The following ARFGEF3 variants were observed in gnomAD, a reference collection of about 807,000 sequenced individuals.
The protein encoded by ARFGEF3 is ARFGEF family member 3.
A neutral mutation model predicts 221.7 loss-of-function variants in ARFGEF3; 96 were observed. The ratio of observed to expected loss-of-function variants is 0.43; its 90% CI spans 0.37 to 0.51. The LOEUF is 0.51. ARFGEF3 is among the 20% of genes least tolerant of loss of function. ARFGEF3 has a pLI of 0.00. For missense variants in ARFGEF3, 2,410 were observed against 2,789.9 expected (o/e 0.86, Z 3.07); for synonymous variants, 1,145 against 1,126.8 (o/e 1.02, Z -0.32).
Position 138,320,952 on chromosome 6 carries a change from G to A in ARFGEF3, c.4652-159G>A, listed in dbSNP as rs572032554. On this transcript the variant is annotated intron_variant, in intron 28 of 33. Transcript: ENST00000251691. ...TGTTTTACTGGGTTTTGGCGGGGGG[G>A]GGCAGGAGGAGGATATGGCCATTTT... Among the ~76,000 whole-genome samples, 131 of 152,116 alleles carry A rather than the reference G, an allele frequency of 8.6e-4. 1 individual carries two copies. The highest frequency in any genetic ancestry group is 2.3e-3 in the South Asian group (11 of 4,812).
At chr6:138,206,879 TC>T (rs1178419148) in intron 2 of ARFGEF3, among the ~76,000 whole-genome samples, 162 bp from the exon 3 acceptor site, 2 of 152,212 alleles carry the variant, frequency 1.3e-5, no homozygotes, top group Admixed American at 1.3e-4. Context: ...CTGCACAGCT[TC>T]TTTGCTGTGT....
At chr6:138,281,306 T>C (rs1287402661) in intron 14 of ARFGEF3, among the ~76,000 whole-genome samples, 3 of 152,168 alleles carry the variant, frequency 2.0e-5, no homozygotes, top group African/African-American at 4.8e-5. Context: ...GTGATAGTTC[T>C]CTCTCTATAT....
chr6:138,302,608 G>T (rs542739717), intron 22 of ARFGEF3, among the ~76,000 whole-genome samples: 1 of 152,256 alleles, frequency 6.6e-6, no homozygotes, highest in Admixed American at 6.5e-5. Flanking sequence ...CAAAATGCTC[G>T]ATGACAATGA....
rs1778815951 is a variant in ARFGEF3 at position 138,262,723 on chromosome 6, G to C, written c.1240G>C (p.Ala414Pro). 6.2e-7 allele frequency: 1 copy of C among 1,604,976 alleles called. No individual in the cohort carries two copies. Among genetic ancestry groups the C allele is most frequent in the Non-Finnish European group, 8.5e-7 (1 of 1,172,594 alleles). ...LKLIMDGMTE[A>P]CIKGGIEACY... ...TAGCATCATGGATGGCATGACCGAA[G>C]CATGCATCAAGGGTGGCATCGAAGC... The change falls in exon 12 of 34, where the codon GCA becomes CCA. Residue 414 changes from alanine (A) to proline (P), a missense_variant. Around this residue, in one of 5 missense-constraint regions of ARFGEF3, gnomAD observed 570 missense variants for 586.9 expected, o/e 0.97. Coordinates refer to ENST00000251691, the MANE Select transcript of ARFGEF3 (RefSeq NM_020340.5).
intron 8 of ARFGEF3, among the ~76,000 whole-genome samples, chr6:138,253,348 G>C (rs1005940681): frequency 3.3e-5 from 5 of 151,770 alleles, no homozygotes; most frequent in African/African-American, 1.2e-4. Flanking sequence ...GTATTATCTT[G>C]CTGAGGCTGC....
Position 138,291,236 on chromosome 6 carries a change from G to A in ARFGEF3, c.3048-497G>A, listed in dbSNP as rs1004663804. 2.0e-5 allele frequency among the ~76,000 whole-genome samples: 3 copies of A among 152,158 alleles called. No individual in the cohort carries two copies. The highest frequency in any genetic ancestry group is 2.9e-5 in the Non-Finnish European group (2 of 68,032). On this transcript the variant is annotated intron_variant, in intron 18 of 33. Transcript: ENST00000251691. This position sits in a 1 kb window ranked among gnomAD's most constrained non-coding sequence, Gnocchi z 4.5. ...ACCCAGACTTGAGTTATGTGGCGCC[G>A]TCGGGACCAGGCAGGACGTGGCTGG... is the stretch of plus-strand genomic sequence containing the variant.
intron 2 of ARFGEF3, among the ~76,000 whole-genome samples, chr6:138,205,371 C>T (rs1485683625): frequency 1.3e-5 from 2 of 152,136 alleles, no homozygotes; most frequent in Non-Finnish European, 2.9e-5. Context: ...GTGGAAAGTT[C>T]TTTCACAGTG....
At chr6:138,247,314 G>A (rs1778501666) in intron 8 of ARFGEF3, among the ~76,000 whole-genome samples, 1 of 152,172 alleles carries the variant, frequency 6.6e-6, no homozygotes, top group Non-Finnish European at 1.5e-5. Flanking sequence ...GACCCCATCT[G>A]TAAGGCCCCT....
chr6:138,198,717 G>A (rs1362379747), intron 2 of ARFGEF3, among the ~76,000 whole-genome samples: 1 of 152,118 alleles, frequency 6.6e-6, no homozygotes, highest in African/African-American at 2.4e-5. Context: ...TATCCAAACT[G>A]CCTACACCTT....
chr6:138,336,571 T>G lies in ARFGEF3; in HGVS notation c.*85T>G. 9.0e-7 allele frequency: 1 copy of G among 1,111,776 alleles called. No homozygotes were observed. The highest frequency in any genetic ancestry group is 1.3e-6 in the Non-Finnish European group (1 of 782,684). The allele number at this position is 1,111,776 out of a possible 1,614,324, so 68.9% of individuals were successfully genotyped here. A position where few individuals can be genotyped will look rare whatever the true frequency, so the allele number is the denominator to read the frequency against. The stretch of plus-strand genomic sequence containing the variant: ...ACAGCTGTTGCATTTTCCCCACCAC[T>G]AGCCCCACTTAAACTACTACTACTG... On this transcript the variant is annotated 3_prime_UTR_variant, in exon 34 of 34. Coordinates refer to ENST00000251691, the MANE Select transcript of ARFGEF3 (RefSeq NM_020340.5).
chr6:138,286,090 C>A, intron 15 of ARFGEF3, 37 bp downstream of exon 15: 5 of 1,125,236 alleles, frequency 4.4e-6, no homozygotes, highest in South Asian at 1.2e-5. Context: ...AACATCCATA[C>A]ACTGCATGTG....
At chr6:138,222,887 G>A (rs1472442029) in intron 4 of ARFGEF3, among the ~76,000 whole-genome samples, 1 of 151,982 alleles carries the variant, frequency 6.6e-6, no homozygotes, top group African/African-American at 2.4e-5. Flanking sequence ...CCCATTCTGA[G>A]TCTCCAGTGT....
In ARFGEF3 at chr6:138,281,087, TA is replaced by T. The variant is rs544730446; in HGVS notation, c.2461+926del. 1.5e-3 allele frequency among the ~76,000 whole-genome samples: 233 copies of T among 152,230 alleles called. 1 individual carries two copies. Among genetic ancestry groups the T allele is most frequent in the Non-Finnish European group, 2.4e-3 (164 of 68,020 alleles). On this transcript the variant is annotated intron_variant, in intron 14 of 33. Transcript: ENST00000251691. ...GGAGGTAAAGGATGACAAAGGTGTT[TA>T]AAGGAAAAATGAGGAGGATTTCATC...
chr6:138,222,849 G>GT (rs1163518368), intron 4 of ARFGEF3, among the ~76,000 whole-genome samples: 1 of 152,000 alleles, frequency 6.6e-6, no homozygotes, highest in Non-Finnish European at 1.5e-5. Context: ...CTCATATATA[G>GT]TTTTTTATCC....
At chr6:138,227,748 A>G (rs190166402) in intron 4 of ARFGEF3, among the ~76,000 whole-genome samples, 1 of 152,316 alleles carries the variant, frequency 6.6e-6, no homozygotes, top group East Asian at 1.9e-4. Context: ...TAATGAGAAG[A>G]TTGCAAATAA....
intron 4 of ARFGEF3, chr6:138,218,616 A>C: frequency 1.2e-6 from 1 of 827,924 alleles, no homozygotes; most frequent in Non-Finnish European, 1.7e-6. Flanking sequence ...CTCTGTAATT[A>C]TTGTTTCAGA....
intron 10 of ARFGEF3, among the ~76,000 whole-genome samples, chr6:138,258,151 C>T (rs941548175): frequency 6.6e-6 from 1 of 152,148 alleles, no homozygotes; most frequent in African/African-American, 2.4e-5. Context: ...CCAGAGCCTT[C>T]TTCCATCATT....
chr6:138,318,207 AAAGAAT>A (rs2114675513), intron 27 of ARFGEF3, among the ~76,000 whole-genome samples: 1 of 152,316 alleles, frequency 6.6e-6, no homozygotes, highest in Non-Finnish European at 1.5e-5. Context: ...GCCTTCCATC[AAAGAAT>A]AAGTAGGTAT....
intron 31 of ARFGEF3, among the ~76,000 whole-genome samples, chr6:138,327,714 A>G (rs79396742): frequency 0.066 from 9,945 of 151,792 alleles, 981 homozygotes; most frequent in African/African-American, 0.22. Context: ...CTCTTTATTT[A>G]CTTGTAGTTA....
Sources: allele counts gnomAD v4.1 joint callset (sites outside exome capture counted in the v4.1 genomes callset), GRCh38; gene constraint gnomAD v4.1.1; regional missense constraint gnomAD v4.1.1; non-coding constraint Gnocchi (gnomAD v3.1); transcripts MANE v1.5; gene names NCBI Gene and HGNC (gene_info 2026-07-23, HGNC 2026-07-21).